Variants in MYOM1 observed in about 807,000 individuals in gnomAD.
The protein encoded by MYOM1 is myomesin 1, also known as myomesin-1.
Under a neutral mutation model 205.3 loss-of-function variants are expected in MYOM1, and 164 were observed. That is an observed-to-expected ratio of 0.80 (90% confidence interval 0.70 to 0.91). The LOEUF (loss-of-function observed/expected upper bound fraction) is 0.91. MYOM1 is among the 40% of genes least tolerant of loss of function. The pLI is 0.00. For synonymous variants in MYOM1, 772 were observed against 789.4 expected, an observed-to-expected ratio of 0.98 and a Z score of 0.37; for missense variants, 2,011 against 2,127.3, an observed-to-expected ratio of 0.95 and a Z score of 1.08.
Position 3,156,699 on chromosome 18 carries a change from G to A in MYOM1, c.1502-1611C>T, listed in dbSNP as rs183656473. 3.0e-3 allele frequency among the ~76,000 whole-genome samples: 455 copies of A among 151,318 alleles called. 2 individuals carry two copies. Among genetic ancestry groups the A allele is most frequent in the African/African-American group, 0.011 (435 of 41,164 alleles). ...CAGCTCACTGCAAGCTCCACCTCCC[G>A]GGTTCACGCCATTCTCCTGCCTCAA... On this transcript the variant is annotated intron_variant, in intron 10 of 37. Transcript: ENST00000356443.
At chr18:3,151,512 A>C (rs2080221969) in intron 12 of MYOM1, among the ~76,000 whole-genome samples, 182 bp downstream of exon 12, 1 of 146,174 alleles carries the variant, frequency 6.8e-6, no homozygotes, top group Non-Finnish European at 1.5e-5. Context: ...TAAAACCCTT[A>C]AGAGAATGGC....
intron 19 of MYOM1, among the ~76,000 whole-genome samples, chr18:3,126,473 A>C (rs547944014): frequency 2.0e-5 from 3 of 152,114 alleles, no homozygotes; most frequent in South Asian, 4.1e-4. Flanking sequence ...TATTCTAGGA[A>C]TTTATTATGC....
rs1040167630 is a variant in MYOM1 at position 3,152,824 on chromosome 18, G to C, written c.1644-931C>G. Among the ~76,000 whole-genome samples, 1 of 152,146 alleles carries C rather than the reference G, an allele frequency of 6.6e-6. No individual in the cohort carries two copies. Among genetic ancestry groups the C allele is most frequent in the East Asian group, 1.9e-4 (1 of 5,204 alleles). ...GTGGCAGGACAGAGGTGGCTGGTGT[G>C]GGGGGTGTATCTCCCCTCCTCACAA... On this transcript the variant is annotated intron_variant, in intron 11 of 37. Transcript: ENST00000356443. This position sits in a 1 kb window ranked among gnomAD's most constrained non-coding sequence, Gnocchi z 4.3.
Position 3,189,193 on chromosome 18 carries a change from C to A in MYOM1, c.432-106G>T. ...ACATCTCAGACACTGTATCCTGCAC[C>A]AAAAGAAAATCCGACATAGAAAAAG... On this transcript the variant is annotated intron_variant, in intron 3 of 37. Coordinates refer to ENST00000356443, the MANE Select transcript of MYOM1 (RefSeq NM_003803.4). The surrounding 1 kb of genome is among the most constrained non-coding windows in gnomAD (Gnocchi z 4.8). 9.4e-7 allele frequency: 1 copy of A among 1,059,926 alleles called. No homozygotes were observed. 65.7% of individuals were successfully genotyped at this position (1,059,926 alleles called of 1,614,324 possible). A position where few individuals can be genotyped will look rare whatever the true frequency, so the allele number is the denominator to read the frequency against.
chr18:3,235,612 G>A, the MYOM1 span, among the ~76,000 whole-genome samples: 1 of 152,154 alleles, frequency 6.6e-6, no homozygotes, highest in Admixed American at 6.5e-5. Context: ...TACATTGAAT[G>A]CCTATAATGT....
chr18:3,075,848 T>G, intron 34 of MYOM1, 87 bp from the exon 35 acceptor site: 2 of 1,224,866 alleles, frequency 1.6e-6, no homozygotes, highest in South Asian at 2.6e-5. Flanking sequence ...TGGAGATTGC[T>G]GTGATCGGTC....
At chr18:3,223,285 T>A (rs1033219796), upstream of MYOM1, among the ~76,000 whole-genome samples, 1 of 152,324 alleles carries the variant, frequency 6.6e-6, no homozygotes, top group African/African-American at 2.4e-5. Flanking sequence ...ATATAGCAAA[T>A]AGTCATTAAA....
At chr18:3,118,571 C>A (rs1254017574) in intron 20 of MYOM1, among the ~76,000 whole-genome samples, 1 of 152,190 alleles carries the variant, frequency 6.6e-6, no homozygotes, top group East Asian at 1.9e-4. Context: ...TGGGCTCAGG[C>A]AATCCCCCTG....
intron 30 of MYOM1, among the ~76,000 whole-genome samples, chr18:3,085,711 C>T (rs1258318640): frequency 6.6e-6 from 1 of 152,076 alleles, no homozygotes; most frequent in Non-Finnish European, 1.5e-5. Context: ...AAAATCTATC[C>T]TTAAATGAAT....
In MYOM1 at chr18:3,152,030, G is replaced by A; in HGVS notation, c.1644-137C>T. ...CAAGTCAGGCGTGGCTCGCTACCTGGTGAACTGCATGCAGGCACTCCGTTT... is the reference window on the plus strand; with the variant it reads ...CAAGTCAGGCGTGGCTCGCTACCTGATGAACTGCATGCAGGCACTCCGTTT... On this transcript the variant is annotated intron_variant, in intron 11 of 37. Coordinates refer to ENST00000356443, the MANE Select transcript of MYOM1 (RefSeq NM_003803.4). The surrounding 1 kb of genome is among the most constrained non-coding windows in gnomAD (Gnocchi z 4.3). The A allele has an allele frequency of 2.5e-6, 2 of 798,300 alleles. No homozygotes were observed. Among genetic ancestry groups the A allele is most frequent in the Non-Finnish European group, 3.8e-6 (2 of 522,446 alleles). 49.5% of individuals were successfully genotyped at this position (798,300 alleles called of 1,614,324 possible).
At chr18:3,192,804 G>A (rs2080929678) in intron 3 of MYOM1, among the ~76,000 whole-genome samples, 1 of 152,182 alleles carries the variant, frequency 6.6e-6, no homozygotes, top group South Asian at 2.1e-4. Context: ...TTGTGATTTA[G>A]TGATTATTTT....
rs568911765 is a variant in MYOM1, at chr18:3,194,279, G to T, written c.291-321C>A. Among the ~76,000 whole-genome samples, 11 of 152,246 alleles carry T rather than the reference G, an allele frequency of 7.2e-5. No homozygotes were observed. The East Asian group carries it at 1.5e-3, about 21-fold the overall frequency. ...TGCCCTTTTGTGTTAATGTCATGTT[G>T]GAAATTTAGGCAGTCTATATAAATG... On this transcript the variant is annotated intron_variant, in intron 2 of 37. Coordinates refer to ENST00000356443, the MANE Select transcript of MYOM1 (RefSeq NM_003803.4).
At chr18:3,103,342 C>A (rs2079406855) in intron 22 of MYOM1, among the ~76,000 whole-genome samples, 2 of 152,186 alleles carry the variant, frequency 1.3e-5, no homozygotes, top group Admixed American at 6.5e-5. Flanking sequence ...TCAAGAGATT[C>A]AGCTCTTTCA....
chr18:3,148,844 CAAAAAAAAAAAAA>C (rs71159049), intron 13 of MYOM1, among the ~76,000 whole-genome samples: 920 of 48,002 alleles, frequency 0.019, 13 homozygotes, highest in Middle Eastern at 0.15. Context: ...AGACTCCATC[CAAAAAAAAAAAAA>C]AAAAAAAAAA....
chr18:3,163,400 G>A (rs911660593), intron 10 of MYOM1, among the ~76,000 whole-genome samples: 2 of 152,140 alleles, frequency 1.3e-5, no homozygotes, highest in Non-Finnish European at 1.5e-5. Flanking sequence ...CTGGAAAATG[G>A]TGACTTTTGA....
intron 16 of MYOM1, 25 bp from the exon 17 acceptor site, chr18:3,131,521 A>G (rs777896525): frequency 1.2e-6 from 2 of 1,605,462 alleles, no homozygotes; most frequent in South Asian, 2.2e-5. Context: ...AGTTTTAAAA[A>G]ATTTTCCTAG....
intron 10 of MYOM1, among the ~76,000 whole-genome samples, chr18:3,155,655 A>G (rs1235164524): frequency 1.3e-5 from 2 of 152,196 alleles, no homozygotes; most frequent in East Asian, 3.8e-4. Context: ...TGTGGCCCAA[A>G]ATGTTCCAAA....
chr18:3,215,108 T>G lies in MYOM1; in HGVS notation c.116A>C (p.Tyr39Ser). The change falls in exon 2 of 38, where the codon TAC becomes TCC. Residue 39 changes from tyrosine to serine, a missense_variant. Physicochemically the swap from Tyr to Ser is moderately radical, Grantham distance 144. Coordinates refer to ENST00000356443, the MANE Select transcript of MYOM1 (RefSeq NM_003803.4). ...GCTGTAGGCCGTGGAGCCCTGGGTG[T>G]AGACGGCGGAGCGTTTCTTCTCCCG... ...YQREKKRSAV[Y>S]TQGSTAYSSR... 1.2e-6 allele frequency: 2 copies of G among 1,613,834 alleles called. No individual in the cohort carries two copies. The highest frequency in any genetic ancestry group is 1.7e-6 in the Non-Finnish European group (2 of 1,179,860).
chr18:3,244,137 G>T, the MYOM1 span, among the ~76,000 whole-genome samples: 6 of 152,196 alleles, frequency 3.9e-5, no homozygotes, highest in East Asian at 9.6e-4. Flanking sequence ...CAGCGTCCCT[G>T]GCTTCTCCCC....
Sources: gnomAD v4.1 joint callset for allele counts (sites outside exome capture counted in the v4.1 genomes callset) on GRCh38, gnomAD v4.1.1 for gene constraint, Gnocchi (gnomAD v3.1) non-coding constraint, MANE v1.5 for transcripts, NCBI Gene and HGNC (gene_info 2026-07-23, HGNC 2026-07-21) for gene names.